POLDIP2: variants seen among roughly 807,000 people sequenced by gnomAD.
POLDIP2 encodes the protein DNA polymerase delta interacting protein 2.
Under a neutral mutation model 52.9 loss-of-function variants are expected in POLDIP2, and 32 were observed. That is an observed-to-expected ratio of 0.61 (90% CI 0.46 to 0.81). The LOEUF (loss-of-function observed/expected upper bound fraction) is 0.81. Ranked by LOEUF, POLDIP2 falls within the 40% of genes least tolerant of loss-of-function variation. POLDIP2 has a pLI of 0.00. For synonymous variants in POLDIP2, 183 were observed against 183.0 expected, an observed-to-expected ratio of 1.00 and a Z score of 0.00; for missense variants, 371 against 477.3, an observed-to-expected ratio of 0.78 and a Z score of 2.07.
rs1908116636 is a variant in POLDIP2 at position 28,357,505 on chromosome 17, G to A, written c.-57C>T. 2.8e-6 allele frequency: 4 copies of A among 1,434,684 alleles called. No homozygotes were observed. The African/African-American group carries it at 4.4e-5, about 16-fold the overall frequency. The allele number at this position is 1,434,684 out of a possible 1,614,324, so 88.9% of individuals were successfully genotyped here. A position where few individuals can be genotyped will look rare whatever the true frequency, so the allele number is the denominator to read the frequency against. On this transcript the variant is annotated 5_prime_UTR_variant, in exon 1 of 11. Transcript: ENST00000540200. ...ACAGAGCCCGACCCGCGGCCGGGCGGCGTTCCGCCCCAGTCCCACACTGCC... is the reference window on the plus strand; with the variant it reads ...ACAGAGCCCGACCCGCGGCCGGGCGACGTTCCGCCCCAGTCCCACACTGCC...
intron 1 of POLDIP2, among the ~76,000 whole-genome samples, chr17:28,357,080 T>G (rs1908075213): frequency 6.6e-6 from 1 of 152,206 alleles, no homozygotes; most frequent in Non-Finnish European, 1.5e-5. Context: ...GGGCCAGCCC[T>G]GTACAACCAG....
In POLDIP2 at chr17:28,346,718, T is replaced by C. The variant is rs1192934393; in HGVS notation, c.*1399A>G. On this transcript the variant is annotated 3_prime_UTR_variant, in exon 11 of 11. Transcript: ENST00000540200. ...TTTCCAGCCCTATTCAGAAAGCAAC[T>C]CTTGGCTGTGTGCATTTTTCAACTC... is the stretch of plus-strand genomic sequence containing the variant. 1 of 152,210 alleles carries C rather than the reference T, an allele frequency of 6.6e-6. No homozygotes were observed. Among genetic ancestry groups the C allele is most frequent in the African/African-American group, 2.4e-5 (1 of 41,450 alleles). The allele number at this position is 152,210 out of a possible 1,614,324, so 9.4% of individuals were successfully genotyped here.
Position 28,353,088 on chromosome 17 carries a change from C to A in POLDIP2, c.515-69G>T, listed in dbSNP as rs199920460. The A allele has an allele frequency of 4.1e-4, 313 of 769,390 alleles. 1 individual carries two copies. In the East Asian group the frequency reaches 7.5e-3, roughly 19 times the overall value. The allele number at this position is 769,390 out of a possible 1,614,324, so 47.7% of individuals were successfully genotyped here. A position where few individuals can be genotyped will look rare whatever the true frequency, so the allele number is the denominator to read the frequency against. ...GGAGAGAGATGGGGTTGAGAAGAAA[C>A]ATTAACTGGCCTTGTTCCAGTATGG... On this transcript the variant is annotated intron_variant, in intron 5 of 10. Coordinates refer to ENST00000540200, the MANE Select transcript of POLDIP2 (RefSeq NM_015584.5).
Position 28,350,287 on chromosome 17 carries a change from T to G in POLDIP2, c.912+151A>C, listed in dbSNP as rs1907747009. The G allele has an allele frequency of 4.9e-6, 3 of 613,296 alleles. No homozygotes were observed. In the East Asian group the frequency reaches 8.9e-5, roughly 18 times the overall value. The allele number at this position is 613,296 out of a possible 1,614,324, so 38.0% of individuals were successfully genotyped here. A position where few individuals can be genotyped will look rare whatever the true frequency, so the allele number is the denominator to read the frequency against. On this transcript the variant is annotated intron_variant, in intron 9 of 10. Transcript: ENST00000540200. ...TGAAATGGGTTTCAAGAAACATATC[T>G]CATGTAGTTGTTTTAAGATTTCTAA...
intron 1 of POLDIP2, among the ~76,000 whole-genome samples, chr17:28,356,985 T>C (rs782424182): frequency 2.0e-5 from 3 of 152,162 alleles, no homozygotes; most frequent in Non-Finnish European, 4.4e-5. Context: ...AGGGCTGAAT[T>C]AAAAAGCTTC....
chr17:28,354,964 C>A (rs1555580640), intron 2 of POLDIP2, among the ~76,000 whole-genome samples: 1 of 152,178 alleles, frequency 6.6e-6, no homozygotes. Context: ...ATTGTAGGCA[C>A]ACAGAAAAAT....
In POLDIP2 at chr17:28,355,854, A is replaced by G. The variant is rs1555580818; in HGVS notation, c.184T>C (p.Leu62=). 11 of 1,613,104 alleles carry G rather than the reference A, an allele frequency of 6.8e-6. No individual in the cohort carries two copies. Among genetic ancestry groups the G allele is most frequent in the African/African-American group, 1.3e-5 (1 of 74,986 alleles). ...ACCTCAAACACACCAACTGTCTCCAACACTTTGCCCTCTGGTCGGTTTCTG... is the reference window on the plus strand; with the variant it reads ...ACCTCAAACACACCAACTGTCTCCAGCACTTTGCCCTCTGGTCGGTTTCTG... ...SSRNRPEGKV[L]ETVGVFEVPK... The change falls in exon 2 of 11, where the codon TTG becomes CTG. Residue 62 remains leucine, a synonymous_variant. Transcript: ENST00000540200.
chr17:28,349,907 G>T (rs1407089865), intron 9 of POLDIP2, among the ~76,000 whole-genome samples: 1 of 152,116 alleles, frequency 6.6e-6, no homozygotes, highest in Non-Finnish European at 1.5e-5. Context: ...CCCAGTCCTC[G>T]CTGACTTTGA....
intron 10 of POLDIP2, 151 bp downstream of exon 10, chr17:28,348,932 C>CT: frequency 1.8e-6 from 1 of 557,742 alleles, no homozygotes; most frequent in African/African-American, 1.9e-5. Context: ...GAAAATCAGA[C>CT]AAGTCCCACA....
intron 10 of POLDIP2, among the ~76,000 whole-genome samples, 180 bp downstream of exon 10, chr17:28,348,903 T>C (rs936780867): frequency 1.3e-5 from 2 of 152,214 alleles, no homozygotes; most frequent in Non-Finnish European, 2.9e-5. Context: ...CACAGGGTAC[T>C]GGGAAACAGG....
chr17:28,350,675 C>T, intron 8 of POLDIP2, 91 bp downstream of exon 8: 1 of 1,552,218 alleles, frequency 6.4e-7, no homozygotes, highest in South Asian at 1.1e-5. Flanking sequence ...TGCACAGGTT[C>T]CGCTCTCGTC....
chr17:28,355,737 C>T, intron 2 of POLDIP2, 58 bp downstream of exon 2: 1 of 1,364,088 alleles, frequency 7.3e-7, no homozygotes, highest in Non-Finnish European at 1.0e-6. Context: ...CCTAATCTGA[C>T]TTTTTTCAGA....
intron 2 of POLDIP2, among the ~76,000 whole-genome samples, chr17:28,355,305 A>G (rs550653554): frequency 2.3e-3 from 354 of 152,352 alleles, no homozygotes; most frequent in Non-Finnish European, 3.8e-3. Flanking sequence ...CAGAAACCCT[A>G]TCTATAAAAA....
intron 2 of POLDIP2, among the ~76,000 whole-genome samples, chr17:28,354,883 G>T (rs371614319): frequency 6.6e-6 from 1 of 152,186 alleles, no homozygotes; most frequent in South Asian, 2.1e-4. Flanking sequence ...TTCTAGACTA[G>T]AAACTCCACA....
intron 6 of POLDIP2, 106 bp downstream of exon 6, chr17:28,352,806 T>C: frequency 1.4e-6 from 1 of 690,586 alleles, no homozygotes; most frequent in South Asian, 1.8e-5. Context: ...CCCAAAGTGC[T>C]GGGATTACAG....
Position 28,347,381 on chromosome 17 carries a change from C to T in POLDIP2, c.*736G>A. The T allele has an allele frequency of 6.6e-6, 1 of 152,332 alleles. No homozygotes were observed. The allele number at this position is 152,332 out of a possible 1,614,324, so 9.4% of individuals were successfully genotyped here. On this transcript the variant is annotated 3_prime_UTR_variant, in exon 11 of 11. Transcript: ENST00000540200. ...CTAAAGCTGCTCCTCAGCCAAATTC[C>T]TGCATTTGTGGTCTGGATGCTTGGC... is the stretch of plus-strand genomic sequence containing the variant.
At chr17:28,351,528 ACACATGCCAC>A in intron 7 of POLDIP2, 126 bp downstream of exon 7, 1 of 831,866 alleles carries the variant, frequency 1.2e-6, no homozygotes, top group South Asian at 1.7e-5. Context: ...ACCCCACCCA[ACACATGCCAC>A]CACTTGGAAG....
chr17:28,351,008 C>G (rs1907776116), intron 7 of POLDIP2, among the ~76,000 whole-genome samples: 1 of 152,162 alleles, frequency 6.6e-6, no homozygotes, highest in Non-Finnish European at 1.5e-5. Context: ...CTCCTCATCC[C>G]TTCAAGATCA....
At position 28,352,032 on chromosome 17, in the gene POLDIP2, G is replaced by A. The variant is rs74323309; in HGVS notation, c.623-232C>T. Among the ~76,000 whole-genome samples, 1,346 of 152,052 alleles carry A rather than the reference G, an allele frequency of 8.9e-3. 13 individuals carry two copies. The highest frequency in any genetic ancestry group is 0.031 in the African/African-American group (1,279 of 41,442). On this transcript the variant is annotated intron_variant, in intron 6 of 10. Transcript: ENST00000540200. Reference sequence around the variant, plus strand: ...AGTGTGATACAATGGGAAAACAATCGGACTGGCAGTTAAGAGCCCTGGTTT... The same window carrying A: ...AGTGTGATACAATGGGAAAACAATCAGACTGGCAGTTAAGAGCCCTGGTTT...
Sources: allele counts gnomAD v4.1 joint callset (sites outside exome capture counted in the v4.1 genomes callset), GRCh38; gene constraint gnomAD v4.1.1; transcripts MANE v1.5; gene names NCBI Gene and HGNC (gene_info 2026-07-23, HGNC 2026-07-21).